ST6GALNAC3: variants seen among roughly 807,000 people sequenced by gnomAD.
ST6GALNAC3 encodes the protein ST6 N-acetylgalactosaminide alpha-2,6-sialyltransferase 3.
A neutral mutation model predicts 32.7 loss-of-function variants in ST6GALNAC3; 25 were observed. The observed-to-expected ratio is 0.76, with a 90% confidence interval of 0.56 to 1.07. The LOEUF (loss-of-function observed/expected upper bound fraction) is 1.07, where lower values mean the gene tolerates loss of function less well. Among genes scored for constraint, ST6GALNAC3 ranks in the 50% least tolerant of loss-of-function variants. ST6GALNAC3 has a pLI of 0.00. For synonymous variants in ST6GALNAC3, 129 were observed against 133.1 expected (o/e 0.97, Z 0.21); for missense variants, 355 against 382.4 (o/e 0.93, Z 0.60).
At chr1:76,224,452 C>T (rs1236466477) in intron 1 of ST6GALNAC3, among the ~76,000 whole-genome samples, 1 of 152,198 alleles carries the variant, frequency 6.6e-6, no homozygotes, top group Non-Finnish European at 1.5e-5. Flanking sequence ...TTGAGATAAA[C>T]TTAGAGAGTT....
At chr1:76,428,762 AGTTT>A (rs1341777719) in intron 3 of ST6GALNAC3, among the ~76,000 whole-genome samples, 1 of 152,194 alleles carries the variant, frequency 6.6e-6, no homozygotes, top group Non-Finnish European at 1.5e-5. Flanking sequence ...ATTATGCATT[AGTTT>A]ATCTTTACAT....
At chr1:76,608,802 C>T (rs188921317) in intron 3 of ST6GALNAC3, among the ~76,000 whole-genome samples, 56 of 152,160 alleles carry the variant, frequency 3.7e-4, no homozygotes, top group African/African-American at 1.1e-3. Context: ...GATATTTTTG[C>T]ACCAGTGGAA....
chr1:76,109,567 C>T (rs1647778054), intron 1 of ST6GALNAC3, among the ~76,000 whole-genome samples: 1 of 152,226 alleles, frequency 6.6e-6, no homozygotes, highest in Non-Finnish European at 1.5e-5. Context: ...GTGTGTCCTG[C>T]CCTTTGCCTC....
At chr1:76,449,528 G>A (rs958939598) in intron 3 of ST6GALNAC3, among the ~76,000 whole-genome samples, 2 of 152,176 alleles carry the variant, frequency 1.3e-5, no homozygotes, top group African/African-American at 4.8e-5. Context: ...ATCCCTACCA[G>A]CAATGAATGA....
At chr1:76,272,639 T>G (rs1658917349) in intron 1 of ST6GALNAC3, among the ~76,000 whole-genome samples, 1 of 152,216 alleles carries the variant, frequency 6.6e-6, no homozygotes, top group African/African-American at 2.4e-5. Flanking sequence ...ATTTTCCCAC[T>G]GGTGTAGCGT....
At chr1:76,132,840 T>C (rs561318801) in intron 1 of ST6GALNAC3, among the ~76,000 whole-genome samples, 1 of 152,302 alleles carries the variant, frequency 6.6e-6, no homozygotes, top group East Asian at 1.9e-4. Flanking sequence ...ATAGGACAGC[T>C]TCATCTACGT....
chr1:76,134,179 A>G (rs1649790710), intron 1 of ST6GALNAC3, among the ~76,000 whole-genome samples: 2 of 152,200 alleles, frequency 1.3e-5, no homozygotes, highest in South Asian at 4.1e-4. Flanking sequence ...ATCCTGTGGA[A>G]TGGCGGACAG....
chr1:76,237,123 T>C (rs2100654747), intron 1 of ST6GALNAC3, among the ~76,000 whole-genome samples: 1 of 152,258 alleles, frequency 6.6e-6, no homozygotes, highest in Middle Eastern at 3.4e-3. Context: ...TGAAATAACT[T>C]ACTTGGGATC....
intron 3 of ST6GALNAC3, among the ~76,000 whole-genome samples, chr1:76,610,654 G>T (rs1396913320): frequency 1.3e-5 from 2 of 152,118 alleles, no homozygotes; most frequent in Non-Finnish European, 2.9e-5. Flanking sequence ...TTGAGGCCGT[G>T]TTGAGAGAAT....
In ST6GALNAC3 at chr1:76,627,394, C is replaced by A; in HGVS notation, c.624-58C>A. 3 of 1,094,940 alleles carry A rather than the reference C, an allele frequency of 2.7e-6. No individual in the cohort carries two copies. In the South Asian group the frequency reaches 3.8e-5, roughly 14 times the overall value. 67.8% of individuals were successfully genotyped at this position (1,094,940 alleles called of 1,614,324 possible). ...CTCGTTTCTCACACACCTTATTGTTCTGTGTGTGTGTTCTGTGTTTTGTTC... is the reference window on the plus strand; with the variant it reads ...CTCGTTTCTCACACACCTTATTGTTATGTGTGTGTGTTCTGTGTTTTGTTC... On this transcript the variant is annotated intron_variant, in intron 3 of 4. Transcript: ENST00000328299.
chr1:76,222,168 C>T (rs1655811616), intron 1 of ST6GALNAC3, among the ~76,000 whole-genome samples: 2 of 152,094 alleles, frequency 1.3e-5, no homozygotes, highest in African/African-American at 4.8e-5. Flanking sequence ...AAAGGACTCC[C>T]TATTTAATAA....
At chr1:76,132,638 G>A (rs1388097595) in intron 1 of ST6GALNAC3, among the ~76,000 whole-genome samples, 1 of 152,108 alleles carries the variant, frequency 6.6e-6, no homozygotes, top group Non-Finnish European at 1.5e-5. Context: ...ACTTGTAGAG[G>A]TCTCTACTGC....
intron 2 of ST6GALNAC3, among the ~76,000 whole-genome samples, chr1:76,369,614 G>C (rs1298888229): frequency 6.6e-6 from 1 of 152,098 alleles, no homozygotes; most frequent in African/African-American, 2.4e-5. Context: ...CCATGCTGCT[G>C]GTGCTGTGAT....
chr1:76,473,115 A>G (rs1314699174), intron 3 of ST6GALNAC3, among the ~76,000 whole-genome samples: 1 of 152,142 alleles, frequency 6.6e-6, no homozygotes, highest in Non-Finnish European at 1.5e-5. Context: ...GGTGGGGAGT[A>G]GAGAGTTGAA....
At chr1:76,307,565 A>T (rs764811620) in intron 1 of ST6GALNAC3, among the ~76,000 whole-genome samples, 24 of 152,136 alleles carry the variant, frequency 1.6e-4, no homozygotes, top group Non-Finnish European at 3.5e-4. Context: ...CATTGTCTTT[A>T]ATATTTATTA....
intron 1 of ST6GALNAC3, among the ~76,000 whole-genome samples, chr1:76,261,850 T>C (rs1658257652): frequency 6.6e-6 from 1 of 152,212 alleles, no homozygotes; most frequent in African/African-American, 2.4e-5. Context: ...ACTACTACTG[T>C]TCTGAGCGGT....
chr1:76,159,672 C>T (rs149222482), intron 1 of ST6GALNAC3, among the ~76,000 whole-genome samples: 1 of 152,184 alleles, frequency 6.6e-6, no homozygotes, highest in South Asian at 2.1e-4. Context: ...AAGGTCTGCC[C>T]TTTAAAAGCT....
chr1:76,403,030 C>A (rs1482849835), intron 2 of ST6GALNAC3, among the ~76,000 whole-genome samples: 1 of 151,770 alleles, frequency 6.6e-6, no homozygotes, highest in African/African-American at 2.4e-5. Flanking sequence ...ATCCTTCAGC[C>A]CAGAAAGCAA....
At chr1:76,323,969 C>T (rs565631986) in intron 2 of ST6GALNAC3, among the ~76,000 whole-genome samples, 10 of 152,172 alleles carry the variant, frequency 6.6e-5, no homozygotes, top group Admixed American at 3.9e-4. Flanking sequence ...AAGTGATTCT[C>T]GTGCCTCAGC....
Sources: allele counts gnomAD v4.1 joint callset (sites outside exome capture counted in the v4.1 genomes callset), GRCh38; gene constraint gnomAD v4.1.1; transcripts MANE v1.5; gene names NCBI Gene and HGNC (gene_info 2026-07-23, HGNC 2026-07-21).